Variants in SGCZ observed in about 807,000 individuals in gnomAD.
SGCZ encodes the protein sarcoglycan zeta.
SGCZ carries 40 observed loss-of-function variants against 41.3 expected under a neutral mutation model. The observed-to-expected ratio is 0.97, with a 90% CI of 0.75 to 1.26. The LOEUF is 1.26. Among genes scored for constraint, SGCZ ranks in the 50% most tolerant of loss-of-function variants. SGCZ has a pLI of 0.00. For synonymous variants in SGCZ, 206 were observed against 137.5 expected (o/e 1.50, Z -3.49); for missense variants, 552 against 369.8 (o/e 1.49, Z -4.04).
chr8:14,866,538 A>G (rs139999537), intron 1 of SGCZ, among the ~76,000 whole-genome samples: 3,602 of 152,238 alleles, frequency 0.024, 51 homozygotes, highest in Middle Eastern at 0.051. Context: ...GGCTGGGCAC[A>G]GTGACTCATG....
Position 15,219,055 on chromosome 8 carries a change from C to T in SGCZ, c.39+18530G>A, listed in dbSNP as rs546359233. On this transcript the variant is annotated intron_variant, in intron 1 of 7. Transcript: ENST00000382080. ...GCTGTAAATCGTTTTACCCTGCACT[C>T]TCCACGATTAGGAAGATAAAGAGCT... Among the ~76,000 whole-genome samples the T allele has an allele frequency of 9.2e-5, 14 of 152,278 alleles. No homozygotes were observed. The East Asian group carries it at 2.7e-3, about 29-fold the overall frequency.
intron 1 of SGCZ, among the ~76,000 whole-genome samples, chr8:14,904,336 T>C (rs570326436): frequency 6.6e-6 from 1 of 152,054 alleles, no homozygotes; most frequent in Admixed American, 6.6e-5. Flanking sequence ...GGTATAAATA[T>C]CAATGTAATT....
intron 1 of SGCZ, among the ~76,000 whole-genome samples, chr8:14,582,358 T>A (rs999834061): frequency 6.6e-6 from 1 of 152,104 alleles, no homozygotes; most frequent in Admixed American, 6.6e-5. Flanking sequence ...TTGAAGGGTC[T>A]ACTGCACATT....
rs536296007 is a variant in SGCZ at position 15,198,027 on chromosome 8, GTTACATTATATAT to G, written c.39+39545_39+39557del. On this transcript the variant is annotated intron_variant, in intron 1 of 7. Transcript: ENST00000382080. ...TTACATATGTAAATATATGTATTATGTTACATTATATATTTATATTATATATTACATTATATAT... is the reference window on the plus strand; with the variant it reads ...TTACATATGTAAATATATGTATTATGTTATATTATATATTACATTATATAT... Among the ~76,000 whole-genome samples, 508 of 147,594 alleles carry G rather than the reference GTTACATTATATAT, an allele frequency of 3.4e-3. 4 individuals carry two copies. Among genetic ancestry groups the G allele is most frequent in the African/African-American group, 0.012 (484 of 40,502 alleles).
intron 1 of SGCZ, among the ~76,000 whole-genome samples, chr8:14,560,276 G>C (rs1804169043): frequency 6.6e-6 from 1 of 151,886 alleles, no homozygotes; most frequent in African/African-American, 2.4e-5. Flanking sequence ...GTCCTGATTT[G>C]ATCATCCAAC....
At chr8:14,196,778 G>A (rs372129623) in intron 4 of SGCZ, among the ~76,000 whole-genome samples, 7 of 151,976 alleles carry the variant, frequency 4.6e-5, no homozygotes, top group East Asian at 3.9e-4. Context: ...GAAACCAGCC[G>A]CCAAAACTAT....
At chr8:14,816,146 TCTCG>T (rs1281848066) in intron 1 of SGCZ, among the ~76,000 whole-genome samples, 1 of 152,222 alleles carries the variant, frequency 6.6e-6, no homozygotes, top group Admixed American at 6.5e-5. Flanking sequence ...GTATACTAAG[TCTCG>T]AAGATGCAGT....
intron 1 of SGCZ, among the ~76,000 whole-genome samples, chr8:14,713,093 A>G (rs1359863521): frequency 6.6e-6 from 1 of 152,152 alleles, no homozygotes; most frequent in Admixed American, 6.5e-5. Context: ...CCTATTAAAA[A>G]AGTTTCTTGG....
intron 2 of SGCZ, among the ~76,000 whole-genome samples, chr8:14,531,870 T>A (rs1803143849): frequency 6.6e-6 from 1 of 152,058 alleles, no homozygotes; most frequent in Admixed American, 6.6e-5. Context: ...ATTAAATAAG[T>A]TTGATAGCTA....
rs117545537 is a variant in SGCZ, at chr8:14,187,445, G to C, written c.425-22743C>G. Among the ~76,000 whole-genome samples the C allele has an allele frequency of 6.4e-3, 978 of 152,216 alleles. 7 individuals are homozygous for C. Among genetic ancestry groups the C allele is most frequent in the South Asian group, 0.019 (91 of 4,824 alleles). On this transcript the variant is annotated intron_variant, in intron 4 of 7. Coordinates refer to ENST00000382080, the MANE Select transcript of SGCZ (RefSeq NM_139167.4). ...ACTTTATAAATATGTTCAAATAATT[G>C]AAGACAACTATTTTGAAGAATTAAA...
At chr8:14,559,115 A>G (rs1360781295) in intron 1 of SGCZ, among the ~76,000 whole-genome samples, 6 of 152,062 alleles carry the variant, frequency 3.9e-5, no homozygotes. Context: ...ACATAGTACT[A>G]GAAGTCCTAG....
intron 2 of SGCZ, among the ~76,000 whole-genome samples, chr8:14,437,268 T>C (rs938458525): frequency 6.6e-6 from 1 of 152,174 alleles, no homozygotes; most frequent in Non-Finnish European, 1.5e-5. Context: ...CGAAAATATT[T>C]AATGAAATAA....
intron 1 of SGCZ, among the ~76,000 whole-genome samples, chr8:14,793,135 C>T (rs1801010078): frequency 1.3e-5 from 2 of 152,152 alleles, no homozygotes; most frequent in African/African-American, 4.8e-5. Flanking sequence ...ATTTAAAACT[C>T]TAGTCTCTCT....
At chr8:14,306,848 A>G (rs570106432) in intron 3 of SGCZ, among the ~76,000 whole-genome samples, 11 of 152,224 alleles carry the variant, frequency 7.2e-5, no homozygotes, top group Non-Finnish European at 1.3e-4. Flanking sequence ...AGAAAAATAA[A>G]CATGTATTAA....
chr8:14,718,430 T>C (rs1011850471), intron 1 of SGCZ, among the ~76,000 whole-genome samples: 2 of 152,044 alleles, frequency 1.3e-5, no homozygotes, highest in African/African-American at 4.8e-5. Flanking sequence ...CATGTGATGC[T>C]CTTTTTAAAG....
intron 1 of SGCZ, among the ~76,000 whole-genome samples, chr8:14,950,894 A>G (rs1378581387): frequency 6.6e-6 from 1 of 152,104 alleles, no homozygotes; most frequent in Non-Finnish European, 1.5e-5. Flanking sequence ...TAGAAGTCTT[A>G]AATTTAAATG....
intron 2 of SGCZ, among the ~76,000 whole-genome samples, chr8:14,343,013 C>A (rs1258885431): frequency 1.3e-5 from 2 of 152,140 alleles, no homozygotes; most frequent in African/African-American, 2.4e-5. Flanking sequence ...TGAAAGGGGC[C>A]AAGGTACAGC....
chr8:14,297,334 A>C (rs2116961729), intron 3 of SGCZ, among the ~76,000 whole-genome samples: 1 of 152,246 alleles, frequency 6.6e-6, no homozygotes, highest in East Asian at 1.9e-4. Flanking sequence ...AAGATTAATA[A>C]ACAATGTTTT....
intron 1 of SGCZ, among the ~76,000 whole-genome samples, chr8:15,155,932 C>A (rs1011837775): frequency 6.6e-6 from 1 of 151,724 alleles, no homozygotes; most frequent in Non-Finnish European, 1.5e-5. Flanking sequence ...GTGGCGCACA[C>A]CTGTAGTCCA....
Sources: allele counts gnomAD v4.1 joint callset (sites outside exome capture counted in the v4.1 genomes callset), GRCh38; gene constraint gnomAD v4.1.1; transcripts MANE v1.5; gene names NCBI Gene and HGNC (gene_info 2026-07-23, HGNC 2026-07-21).